GRID2: variants seen among roughly 807,000 people sequenced by gnomAD.
GRID2 encodes the protein glutamate receptor ionotropic, delta-2.
Under a neutral mutation model 114.8 loss-of-function variants are expected in GRID2, and 33 were observed. The ratio of observed to expected loss-of-function variants is 0.29; its 90% CI spans 0.22 to 0.38. GRID2 has a LOEUF of 0.38. Among genes scored for constraint, GRID2 ranks in the 10% least tolerant of loss-of-function variants. The pLI is 1.00. For missense variants in GRID2, 1,184 were observed against 1,257.7 expected (o/e 0.94, Z 0.89); for synonymous variants, 505 against 449.9 (o/e 1.12, Z -1.55).
At chr4:92,654,349 G>A (rs1181451621) in intron 2 of GRID2, among the ~76,000 whole-genome samples, 3 of 151,876 alleles carry the variant, frequency 2.0e-5, no homozygotes, top group Admixed American at 6.6e-5. Context: ...CCTCCCCAAA[G>A]CCACACCTTC....
At chr4:93,441,684 T>C (rs1337548837) in intron 10 of GRID2, among the ~76,000 whole-genome samples, 11 of 151,886 alleles carry the variant, frequency 7.2e-5, no homozygotes, top group Admixed American at 7.2e-4. Context: ...GAATGAATAT[T>C]TGGAAGCAGA....
intron 2 of GRID2, among the ~76,000 whole-genome samples, chr4:92,917,730 C>G (rs964805438): frequency 6.6e-6 from 1 of 152,234 alleles, no homozygotes; most frequent in East Asian, 1.9e-4. Context: ...GGTACCAGTA[C>G]CATGCTGTTT....
At chr4:93,537,916 GTTACTAAACAAATTTTCACAAA>G (rs1732258675) in intron 13 of GRID2, among the ~76,000 whole-genome samples, 1 of 151,476 alleles carries the variant, frequency 6.6e-6, no homozygotes, top group African/African-American at 2.4e-5. Context: ...CCATAATGCA[GTTACTAAACAAATTTTCACAAA>G]TCAATAATTT....
intron 1 of GRID2, among the ~76,000 whole-genome samples, chr4:92,555,566 A>T (rs1458823407): frequency 2.6e-5 from 4 of 152,186 alleles, no homozygotes; most frequent in Admixed American, 2.6e-4. Flanking sequence ...GGCAATGAAG[A>T]AAAATAGAGA....
rs906613169 is a variant in GRID2, at chr4:93,465,167, A to C, written c.1858+9193A>C. Among the ~76,000 whole-genome samples, 4 of 152,188 alleles carry C rather than the reference A, an allele frequency of 2.6e-5. No individual in the cohort carries two copies. The East Asian group carries it at 5.8e-4, about 22-fold the overall frequency. On this transcript the variant is annotated intron_variant, in intron 11 of 15. Coordinates refer to ENST00000282020, the MANE Select transcript of GRID2 (RefSeq NM_001510.4). ...GAAACACAAGACACCACGAACATGG[A>C]ATTCACAGATATCCTGCTATTTAGC...
intron 2 of GRID2, among the ~76,000 whole-genome samples, chr4:92,676,661 T>C (rs1733389536): frequency 6.6e-6 from 1 of 152,144 alleles, no homozygotes; most frequent in South Asian, 2.1e-4. Context: ...TACATATTTT[T>C]CACAAAATTT....
At chr4:92,838,061 A>G (rs1169812922) in intron 2 of GRID2, among the ~76,000 whole-genome samples, 1 of 152,088 alleles carries the variant, frequency 6.6e-6, no homozygotes, top group Non-Finnish European at 1.5e-5. Flanking sequence ...GTTCTATTAC[A>G]TTATCGAAAA....
intron 2 of GRID2, among the ~76,000 whole-genome samples, chr4:92,970,504 A>C (rs1753437926): frequency 6.6e-6 from 1 of 151,996 alleles, no homozygotes; most frequent in Non-Finnish European, 1.5e-5. Flanking sequence ...TAAAGACAAA[A>C]TAGCTAAAAC....
intron 13 of GRID2, among the ~76,000 whole-genome samples, chr4:93,591,363 G>T (rs1038195074): frequency 1.1e-4 from 17 of 151,156 alleles, no homozygotes; most frequent in African/African-American, 3.6e-4. Flanking sequence ...TACATTTATT[G>T]ATTTGCGTAT....
At chr4:93,633,934 G>T (rs1258608819) in intron 14 of GRID2, among the ~76,000 whole-genome samples, 12 of 152,110 alleles carry the variant, frequency 7.9e-5, no homozygotes, top group Non-Finnish European at 1.8e-4. Flanking sequence ...TGCCCACTTA[G>T]TAGCTCCAGG....
intron 1 of GRID2, among the ~76,000 whole-genome samples, chr4:92,341,019 G>C (rs951962): frequency 0.19 from 28,303 of 151,612 alleles, 3,875 homozygotes; most frequent in African/African-American, 0.4. Flanking sequence ...AATAAGTTAA[G>C]TTCTAATACA....
At chr4:93,006,570 A>C (rs1249231142) in intron 2 of GRID2, among the ~76,000 whole-genome samples, 2 of 151,314 alleles carry the variant, frequency 1.3e-5, no homozygotes, top group Admixed American at 1.3e-4. Context: ...AAAAGAATGA[A>C]AAGGTTAAAA....
Position 93,523,471 on chromosome 4 carries a change from C to A in GRID2, c.2193+8060C>A, listed in dbSNP as rs1360860170. 9.2e-5 allele frequency among the ~76,000 whole-genome samples: 14 copies of A among 152,072 alleles called. 1 individual carries two copies. In the South Asian group the frequency reaches 2.9e-3, roughly 32 times the overall value. On this transcript the variant is annotated intron_variant, in intron 13 of 15. Coordinates refer to ENST00000282020, the MANE Select transcript of GRID2 (RefSeq NM_001510.4). ...AGTTTCATAGAGCAGAGTAGAAGAACCTGGAGAGTTGTAGAGGAATAGGAA... is the reference window on the plus strand; with the variant it reads ...AGTTTCATAGAGCAGAGTAGAAGAAACTGGAGAGTTGTAGAGGAATAGGAA...
At chr4:93,368,249 TA>T (rs1007280626) in intron 8 of GRID2, among the ~76,000 whole-genome samples, 8 of 151,910 alleles carry the variant, frequency 5.3e-5, no homozygotes, top group Non-Finnish European at 1.2e-4. Context: ...TTACCAGAAA[TA>T]AAAAAAGTAT....
chr4:93,257,589 C>T (rs1749739775), intron 8 of GRID2, among the ~76,000 whole-genome samples: 1 of 151,462 alleles, frequency 6.6e-6, no homozygotes. Context: ...CTCTTATCTT[C>T]AAGAATTCTG....
intron 2 of GRID2, among the ~76,000 whole-genome samples, chr4:93,072,857 T>G (rs992333063): frequency 1.1e-4 from 16 of 152,168 alleles, no homozygotes; most frequent in Admixed American, 2.6e-4. Context: ...ACACACACAC[T>G]TACAGACCTT....
At chr4:92,957,935 G>T (rs1752526051) in intron 2 of GRID2, among the ~76,000 whole-genome samples, 1 of 151,796 alleles carries the variant, frequency 6.6e-6, no homozygotes, top group Non-Finnish European at 1.5e-5. Flanking sequence ...TGTGTTCTTG[G>T]TTTCAGATTC....
At chr4:93,043,884 G>A (rs1725867033) in intron 2 of GRID2, among the ~76,000 whole-genome samples, 1 of 151,636 alleles carries the variant, frequency 6.6e-6, no homozygotes. Context: ...TGCACGTTGT[G>A]CACATGTACC....
At chr4:92,330,125 A>G (rs1337134666) in intron 1 of GRID2, among the ~76,000 whole-genome samples, 1 of 152,138 alleles carries the variant, frequency 6.6e-6, no homozygotes, top group African/African-American at 2.4e-5. Flanking sequence ...GGAAGAAAAC[A>G]TAACATTATT....
Sources: allele counts gnomAD v4.1 joint callset (sites outside exome capture counted in the v4.1 genomes callset), GRCh38; gene constraint gnomAD v4.1.1; transcripts MANE v1.5; gene names NCBI Gene and HGNC (gene_info 2026-07-23, HGNC 2026-07-21).